The following LRP1B variants were observed in gnomAD, a reference collection of about 807,000 sequenced individuals.
LRP1B encodes LDL receptor related protein 1B, also known as low-density lipoprotein receptor-related protein 1B.
In LRP1B, 217 loss-of-function variants were observed where a neutral mutation model predicts 556.6. The ratio of observed to expected loss-of-function variants is 0.39; its 90% confidence interval spans 0.35 to 0.44. The LOEUF is 0.44. Among genes scored for constraint, LRP1B ranks in the 20% least tolerant of loss-of-function variants. The pLI, the probability that LRP1B is intolerant of heterozygous loss-of-function variation, is 1.00. For synonymous variants in LRP1B, 2,047 were observed against 1,865.8 expected (o/e 1.10, Z -2.50); for missense variants, 5,053 against 5,620.8 (o/e 0.90, Z 3.23).
chr2:141,665,676 G>A (rs550498546), intron 2 of LRP1B, among the ~76,000 whole-genome samples: 18 of 152,178 alleles, frequency 1.2e-4, no homozygotes, highest in African/African-American at 3.4e-4. Context: ...TGGAATCAAC[G>A]CAAATGCGCA....
intron 86 of LRP1B, among the ~76,000 whole-genome samples, chr2:140,259,072 C>A (rs1681818786): frequency 1.3e-5 from 2 of 152,098 alleles, no homozygotes; most frequent in Admixed American, 1.3e-4. Flanking sequence ...ATACCATATT[C>A]CTGAGAATTA....
chr2:140,610,156 A>T (rs543955506), intron 41 of LRP1B, among the ~76,000 whole-genome samples: 1 of 150,080 alleles, frequency 6.7e-6, no homozygotes, highest in South Asian at 2.1e-4. Context: ...TCCCTTTTTT[A>T]ATATCCTTCA....
intron 3 of LRP1B, among the ~76,000 whole-genome samples, chr2:141,330,914 G>A (rs571144035): frequency 5.3e-5 from 8 of 152,082 alleles, no homozygotes; most frequent in African/African-American, 1.9e-4. Context: ...CACCACGCCG[G>A]GCTAATTTTT....
chr2:140,574,852 T>C (rs1681459014), intron 43 of LRP1B, among the ~76,000 whole-genome samples: 1 of 152,158 alleles, frequency 6.6e-6, no homozygotes. Context: ...TTAACCAATA[T>C]TTCTCAATGA....
chr2:141,964,145 A>G (rs1199569850), intron 1 of LRP1B, among the ~76,000 whole-genome samples: 5 of 150,782 alleles, frequency 3.3e-5, no homozygotes, highest in Non-Finnish European at 7.4e-5. Context: ...GGAAGAATTA[A>G]TATCATGAAA....
chr2:141,319,615 A>G (rs951171942), intron 3 of LRP1B, among the ~76,000 whole-genome samples: 1 of 152,044 alleles, frequency 6.6e-6, no homozygotes, highest in African/African-American at 2.4e-5. Flanking sequence ...AAGAAAGCAT[A>G]TTTTTATCAA....
intron 25 of LRP1B, among the ~76,000 whole-genome samples, chr2:140,872,649 T>G (rs564196842): frequency 7.9e-5 from 12 of 152,038 alleles, no homozygotes. Context: ...ATAGATTTGT[T>G]TAATTTTATG....
chr2:141,230,575 C>A (rs1683421221), intron 5 of LRP1B, among the ~76,000 whole-genome samples: 1 of 152,144 alleles, frequency 6.6e-6, no homozygotes, highest in African/African-American at 2.4e-5. Context: ...TTAAACTCTA[C>A]CTGATCTGTA....
intron 2 of LRP1B, among the ~76,000 whole-genome samples, chr2:141,799,358 G>C (rs1471832683): frequency 6.6e-6 from 1 of 152,164 alleles, no homozygotes. Flanking sequence ...CACAGAAGCG[G>C]AAGCCAGGGA....
chr2:141,977,954 A>C (rs1374325304), intron 1 of LRP1B, among the ~76,000 whole-genome samples: 1 of 152,208 alleles, frequency 6.6e-6, no homozygotes, highest in Non-Finnish European at 1.5e-5. Context: ...AGAACTACTT[A>C]CGAAGTATGA....
intron 1 of LRP1B, among the ~76,000 whole-genome samples, chr2:142,011,083 G>A (rs1702946123): frequency 6.6e-6 from 1 of 152,120 alleles, no homozygotes; most frequent in Admixed American, 6.5e-5. Flanking sequence ...TAATTTTGCA[G>A]ACTTGTTATA....
intron 7 of LRP1B, among the ~76,000 whole-genome samples, chr2:141,178,429 A>G (rs767816774): frequency 1.3e-5 from 2 of 152,130 alleles, no homozygotes; most frequent in African/African-American, 2.4e-5. Flanking sequence ...TAGTTTAGAT[A>G]CACAGGACAG....
intron 2 of LRP1B, among the ~76,000 whole-genome samples, chr2:141,629,279 A>C (rs186245146): frequency 6.6e-6 from 1 of 152,324 alleles, no homozygotes; most frequent in African/African-American, 2.4e-5. Context: ...GTGAGAAACC[A>C]TCAAATCAAA....
In LRP1B at chr2:141,959,551, G is replaced by A. The variant is rs1051191695; in HGVS notation, c.83-149150C>T. On this transcript the variant is annotated intron_variant, in intron 1 of 90. Transcript: ENST00000389484. ...TCTATTGAATCAAAATCTCTAGACC[G>A]GCACTCTCCAAAAGAAATATAATGT... Among the ~76,000 whole-genome samples the A allele has an allele frequency of 2.6e-5, 4 of 151,692 alleles. No individual in the cohort carries two copies. The South Asian group carries it at 6.2e-4, about 24-fold the overall frequency.
intron 31 of LRP1B, among the ~76,000 whole-genome samples, chr2:140,839,426 C>T (rs77562636): frequency 6.6e-6 from 1 of 152,232 alleles, no homozygotes; most frequent in African/African-American, 2.4e-5. Flanking sequence ...AAGAAGCAGA[C>T]CCACCCTCAA....
At chr2:141,503,218 TAA>T (rs1683792909) in intron 2 of LRP1B, among the ~76,000 whole-genome samples, 1 of 146,186 alleles carries the variant, frequency 6.8e-6, no homozygotes, top group African/African-American at 2.5e-5. Context: ...TGACTATATA[TAA>T]GATATACAAT....
At chr2:141,650,421 T>C (rs1248286217) in intron 2 of LRP1B, among the ~76,000 whole-genome samples, 1 of 151,906 alleles carries the variant, frequency 6.6e-6, no homozygotes, top group Non-Finnish European at 1.5e-5. Flanking sequence ...GCCAGTTGAG[T>C]TGAGGTATGT....
chr2:140,716,943 T>A, intron 35 of LRP1B, 127 bp from the exon 36 acceptor site: 1 of 435,982 alleles, frequency 2.3e-6, no homozygotes, highest in South Asian at 8.2e-5. Context: ...TTTTTAAGTA[T>A]TCTTCAGGAT....
chr2:141,095,432 G>T (rs913097576), intron 7 of LRP1B, among the ~76,000 whole-genome samples: 1 of 145,544 alleles, frequency 6.9e-6, no homozygotes, highest in African/African-American at 2.5e-5. Context: ...TGAAGATATT[G>T]TCATATTTGG....
Sources: gnomAD v4.1 joint callset for allele counts (sites outside exome capture counted in the v4.1 genomes callset) on GRCh38, gnomAD v4.1.1 for gene constraint, MANE v1.5 for transcripts, NCBI Gene and HGNC (gene_info 2026-07-23, HGNC 2026-07-21) for gene names.